Variants in FAAH2 observed in about 807,000 individuals in gnomAD.
FAAH2 encodes the protein fatty-acid amide hydrolase 2.
In FAAH2, 60 loss-of-function variants were observed where a neutral mutation model predicts 36.9. That is an observed-to-expected ratio of 1.63 (90% confidence interval 1.32 to 2.02). The LOEUF (loss-of-function observed/expected upper bound fraction) is 2.02. FAAH2 is among the 30% of genes most tolerant of loss of function. The pLI is 0.00. For synonymous variants in FAAH2, 214 were observed against 143.8 expected (o/e 1.49, Z -3.49); for missense variants, 689 against 397.5 (o/e 1.73, Z -6.23).
intron 7 of FAAH2, chrX:57,393,100 G>T: frequency 1.1e-6 from 1 of 951,947 alleles, no homozygotes; most frequent in East Asian, 3.1e-5. Context: ...TGCACTTCAC[G>T]GCATCAAAAG....
chrX:57,192,738 A>G, the FAAH2 span, among the ~76,000 whole-genome samples: 1 of 112,089 alleles, frequency 8.9e-6, no homozygotes, highest in Non-Finnish European at 1.9e-5. Flanking sequence ...TTTCGTGGAC[A>G]TTTATTAGTT....
At chrX:57,450,365 G>C (rs1198482340) in intron 10 of FAAH2, among the ~76,000 whole-genome samples, 1 of 110,405 alleles carries the variant, frequency 9.1e-6, no homozygotes. Context: ...AGTTATCTTT[G>C]TGTAAAACCT....
intron 7 of FAAH2, among the ~76,000 whole-genome samples, chrX:57,409,036 C>T (rs2055635711): frequency 9.0e-6 from 1 of 111,147 alleles, no homozygotes; most frequent in African/African-American, 3.3e-5. Flanking sequence ...TCTCTAGTTC[C>T]TAGGATACTA....
chrX:57,267,436 A>G, the FAAH2 span, among the ~76,000 whole-genome samples: 5 of 112,602 alleles, frequency 4.4e-5, no homozygotes, highest in Admixed American at 9.4e-5. Context: ...GGGGCACAGA[A>G]TAAGCACCCA....
chrX:57,474,125 G>A (rs186598115), intron 10 of FAAH2, among the ~76,000 whole-genome samples: 1 of 111,896 alleles, frequency 8.9e-6, no homozygotes, highest in Admixed American at 9.5e-5. Flanking sequence ...GTCTGACAGT[G>A]AGTATCTTCC....
chrX:57,324,225 G>A (rs1264267276), intron 3 of FAAH2, among the ~76,000 whole-genome samples: 1 of 112,021 alleles, frequency 8.9e-6, no homozygotes, highest in Admixed American at 9.5e-5. Context: ...CCAGTACCAT[G>A]CTGTTTTGGT....
chrX:57,247,504 T>C, the FAAH2 span, among the ~76,000 whole-genome samples: 2 of 110,884 alleles, frequency 1.8e-5, no homozygotes, highest in South Asian at 3.8e-4. Context: ...CTCTCTCTCT[T>C]AACAGCACCA....
the FAAH2 span, among the ~76,000 whole-genome samples, chrX:57,193,206 G>T: frequency 9.0e-6 from 1 of 111,429 alleles, no homozygotes; most frequent in Non-Finnish European, 1.9e-5. Context: ...CCTCTAAATG[G>T]CCCCCTTGGG....
chrX:57,161,172 G>A, the FAAH2 span, among the ~76,000 whole-genome samples: 1 of 112,112 alleles, frequency 8.9e-6, no homozygotes, highest in Non-Finnish European at 1.9e-5. Context: ...GAGCAGTTTT[G>A]AGAGAGTTTC....
chrX:57,478,980 T>C (rs891573537), intron 10 of FAAH2, among the ~76,000 whole-genome samples: 1 of 111,749 alleles, frequency 8.9e-6, no homozygotes, highest in African/African-American at 3.3e-5. Context: ...GGCTCTTTTT[T>C]GGTTCCATAT....
chrX:57,270,867 G>T, the FAAH2 span, among the ~76,000 whole-genome samples: 1 of 112,205 alleles, frequency 8.9e-6, no homozygotes, highest in Non-Finnish European at 1.9e-5. Context: ...ACCCCACCAA[G>T]GCCCTGGGTT....
At chrX:57,342,145 A>T (rs1423574895) in intron 5 of FAAH2, among the ~76,000 whole-genome samples, 3 of 112,092 alleles carry the variant, frequency 2.7e-5, no homozygotes, top group Non-Finnish European at 5.6e-5. Flanking sequence ...AGGAATCAGT[A>T]CTATAACAAT....
At chrX:57,482,633 C>T (rs2057400221) in intron 10 of FAAH2, among the ~76,000 whole-genome samples, 1 of 108,964 alleles carries the variant, frequency 9.2e-6, no homozygotes, top group South Asian at 4.2e-4. Context: ...AGAAATCATC[C>T]ACCTTCTGCG....
intron 10 of FAAH2, among the ~76,000 whole-genome samples, chrX:57,469,363 G>T (rs1314980634): frequency 9.0e-6 from 1 of 111,494 alleles, no homozygotes; most frequent in African/African-American, 3.3e-5. Context: ...CATCTCACAT[G>T]CAGAGACACA....
intron 10 of FAAH2, among the ~76,000 whole-genome samples, chrX:57,486,675 A>T (rs984232957): frequency 1.8e-5 from 2 of 111,698 alleles, no homozygotes; most frequent in Non-Finnish European, 3.8e-5. Flanking sequence ...AAAGCACCCC[A>T]CAATGATGAG....
At chrX:57,295,971 G>A (rs1178583370) in intron 2 of FAAH2, among the ~76,000 whole-genome samples, 1 of 112,387 alleles carries the variant, frequency 8.9e-6, no homozygotes, top group Non-Finnish European at 1.9e-5. Context: ...AAACTGGGTG[G>A]AGCCCACCAC....
intron 7 of FAAH2, among the ~76,000 whole-genome samples, chrX:57,392,234 T>C (rs1404369930): frequency 9.0e-6 from 1 of 111,448 alleles, no homozygotes; most frequent in Admixed American, 9.5e-5. Context: ...TTTCTAGGTA[T>C]GTCATCAGCA....
At chrX:57,216,123 T>A in the FAAH2 span, among the ~76,000 whole-genome samples, 112 of 108,588 alleles carry the variant, frequency 1.0e-3, no homozygotes, top group East Asian at 8.2e-3. Flanking sequence ...ACATTTTTTT[T>A]AAATTTTGTT....
At chrX:57,294,724 A>G (rs2146803287) in intron 2 of FAAH2, among the ~76,000 whole-genome samples, 1 of 110,913 alleles carries the variant, frequency 9.0e-6, no homozygotes, top group Non-Finnish European at 1.9e-5. Flanking sequence ...CCTCTCCTTT[A>G]TTTGGCTTAG....
Sources: allele counts gnomAD v4.1 joint callset (sites outside exome capture counted in the v4.1 genomes callset), GRCh38; gene constraint gnomAD v4.1.1; transcripts MANE v1.5; gene names NCBI Gene and HGNC (gene_info 2026-07-23, HGNC 2026-07-21).